The following AFG2A variants were observed in gnomAD, a reference collection of about 807,000 sequenced individuals.
AFG2A encodes AAA ATPase AFG2A.
the AFG2A span, among the ~76,000 whole-genome samples, chr4:123,097,169 G>A: frequency 6.6e-6 from 1 of 151,864 alleles, no homozygotes; most frequent in Non-Finnish European, 1.5e-5. Flanking sequence ...TTATGACATG[G>A]GGAAAAGTTA....
At chr4:123,098,551 C>G in the AFG2A span, among the ~76,000 whole-genome samples, 987 of 152,106 alleles carry the variant, frequency 6.5e-3, 14 homozygotes, top group African/African-American at 0.022. Context: ...TGATAACCAC[C>G]ATTCTACTTT....
chr4:123,115,130 C>T, the AFG2A span, among the ~76,000 whole-genome samples: 1 of 152,074 alleles, frequency 6.6e-6, no homozygotes, highest in Admixed American at 6.5e-5. Flanking sequence ...CAGGCCATCG[C>T]TGGGCTGGGC....
the AFG2A span, among the ~76,000 whole-genome samples, chr4:122,999,604 A>T: frequency 1.3e-5 from 2 of 151,698 alleles, no homozygotes; most frequent in Non-Finnish European, 3.0e-5. Context: ...GGTTTGTCAA[A>T]GATCAGATAG....
At chr4:123,057,104 C>A in the AFG2A span, 1 of 1,154,656 alleles carries the variant, frequency 8.7e-7, no homozygotes, top group Non-Finnish European at 1.3e-6. Flanking sequence ...GGCTTGTTGA[C>A]TTGTACCTAA....
the AFG2A span, among the ~76,000 whole-genome samples, chr4:122,977,876 AG>A: frequency 1.4e-4 from 21 of 152,174 alleles, no homozygotes; most frequent in Admixed American, 4.6e-4. Flanking sequence ...GGATACCTGG[AG>A]GGGGTAGCTG....
chr4:123,020,044 CT>C, the AFG2A span, among the ~76,000 whole-genome samples: 6 of 152,032 alleles, frequency 3.9e-5, no homozygotes, highest in Non-Finnish European at 8.8e-5. Flanking sequence ...CCCATCAAGG[CT>C]TTTTTTGTTT....
the AFG2A span, among the ~76,000 whole-genome samples, chr4:123,045,440 G>A: frequency 6.6e-6 from 1 of 152,150 alleles, no homozygotes; most frequent in African/African-American, 2.4e-5. Context: ...AGTTAGTCCA[G>A]AATCATGTGT....
chr4:123,144,728 G>A, the AFG2A span, among the ~76,000 whole-genome samples: 2 of 152,088 alleles, frequency 1.3e-5, no homozygotes, highest in South Asian at 4.1e-4. Flanking sequence ...TTGAAACATA[G>A]GAAAAGTGAC....
At chr4:123,244,413 A>G in the AFG2A span, among the ~76,000 whole-genome samples, 1 of 152,220 alleles carries the variant, frequency 6.6e-6, no homozygotes, top group African/African-American at 2.4e-5. Flanking sequence ...ATGTGGAAAC[A>G]TTGATGACCT....
the AFG2A span, among the ~76,000 whole-genome samples, chr4:123,064,034 A>G: frequency 6.6e-6 from 1 of 152,216 alleles, no homozygotes; most frequent in African/African-American, 2.4e-5. Flanking sequence ...TTATGAAAGT[A>G]TCTAATTATA....
At chr4:123,158,191 T>C in the AFG2A span, among the ~76,000 whole-genome samples, 1 of 152,212 alleles carries the variant, frequency 6.6e-6, no homozygotes, top group Non-Finnish European at 1.5e-5. Flanking sequence ...ATATGACCAT[T>C]ACAGCTTTGA....
the AFG2A span, among the ~76,000 whole-genome samples, chr4:123,163,187 G>A: frequency 6.6e-6 from 1 of 152,182 alleles, no homozygotes; most frequent in South Asian, 2.1e-4. Context: ...TTTAATTCCA[G>A]CACTTTGGGA....
the AFG2A span, among the ~76,000 whole-genome samples, chr4:122,943,987 G>A: frequency 4.6e-5 from 7 of 152,126 alleles, no homozygotes; most frequent in African/African-American, 1.2e-4. Flanking sequence ...GGCTTGTAGA[G>A]TTTCTGCCGA....
the AFG2A span, among the ~76,000 whole-genome samples, chr4:123,125,597 CTG>C: frequency 2.0e-5 from 3 of 152,128 alleles, no homozygotes; most frequent in Admixed American, 2.0e-4. Context: ...TCCTTTCTTA[CTG>C]TGTTCAATTC....
At chr4:123,140,261 T>A in the AFG2A span, among the ~76,000 whole-genome samples, 1 of 152,138 alleles carries the variant, frequency 6.6e-6, no homozygotes, top group African/African-American at 2.4e-5. Context: ...ACCACTCTTA[T>A]TTTTTAAATT....
At chr4:122,923,175 C>G in the AFG2A span, 1 of 1,614,222 alleles carries the variant, frequency 6.2e-7, no homozygotes, top group African/African-American at 1.3e-5. Context: ...AGCGGTTGAA[C>G]CAAAGCGCGG....
At chr4:122,999,505 C>G in the AFG2A span, among the ~76,000 whole-genome samples, 1 of 152,086 alleles carries the variant, frequency 6.6e-6, no homozygotes, top group African/African-American at 2.4e-5. Context: ...AGGAAGGGAT[C>G]CAGTTTCAGC....
chr4:123,248,036 C>G, the AFG2A span, among the ~76,000 whole-genome samples: 3 of 151,992 alleles, frequency 2.0e-5, no homozygotes, highest in African/African-American at 7.2e-5. Flanking sequence ...AGGACCAAGT[C>G]ATATGCTTCT....
the AFG2A span, among the ~76,000 whole-genome samples, chr4:123,242,706 G>A: frequency 1.3e-5 from 2 of 152,132 alleles, no homozygotes; most frequent in African/African-American, 4.8e-5. Context: ...CTTCATGACT[G>A]AAACACCGAA....
Sources: gnomAD v4.1 joint callset for allele counts (sites outside exome capture counted in the v4.1 genomes callset) on GRCh38, gnomAD v4.1.1 for gene constraint, MANE v1.5 for transcripts, NCBI Gene and HGNC (gene_info 2026-07-23, HGNC 2026-07-21) for gene names.